ACTR3C: variants seen among roughly 807,000 people sequenced by gnomAD.
ACTR3C encodes actin-related protein 3C.
Under a neutral mutation model 26.3 loss-of-function variants are expected in ACTR3C, and 18 were observed. The ratio of observed to expected loss-of-function variants is 0.68; its 90% CI spans 0.47 to 1.01. The LOEUF (loss-of-function observed/expected upper bound fraction) is 1.01, where lower values mean the gene tolerates loss of function less well. Ranked by LOEUF, ACTR3C falls within the 50% of genes least tolerant of loss-of-function variation. ACTR3C has a pLI of 0.00. For synonymous variants in ACTR3C, 55 were observed against 94.5 expected, an observed-to-expected ratio of 0.58 and a Z score of 2.42; for missense variants, 184 against 250.7, an observed-to-expected ratio of 0.73 and a Z score of 1.80.
chr7:149,941,570 A>G, the ACTR3C span, among the ~76,000 whole-genome samples: 130 of 152,326 alleles, frequency 8.5e-4, 1 homozygote, highest in Non-Finnish European at 1.6e-3. Context: ...ACTCAGCCAC[A>G]TAACCGAGTT....
At chr7:150,138,987 G>C in the ACTR3C span, among the ~76,000 whole-genome samples, 1 of 152,282 alleles carries the variant, frequency 6.6e-6, no homozygotes, top group Non-Finnish European at 1.5e-5. Flanking sequence ...CTGTCTAGTT[G>C]CAGGAAAACA....
At chr7:149,951,245 G>T in the ACTR3C span, among the ~76,000 whole-genome samples, 2 of 120,346 alleles carry the variant, frequency 1.7e-5, no homozygotes, top group African/African-American at 8.2e-5. Context: ...CTCCACCTCC[G>T]TAGCTGGCAC....
intron 6 of ACTR3C, among the ~76,000 whole-genome samples, chr7:150,256,432 C>T (rs1285327031): frequency 2.0e-5 from 3 of 152,228 alleles, no homozygotes; most frequent in Non-Finnish European, 4.4e-5. Flanking sequence ...TCGCCAATAT[C>T]TGTTGTTTTT....
chr7:150,019,142 T>G, the ACTR3C span, among the ~76,000 whole-genome samples: 1 of 150,142 alleles, frequency 6.7e-6, no homozygotes, highest in Non-Finnish European at 1.5e-5. Context: ...ATGAAAGAGA[T>G]GATATATAAA....
At chr7:150,219,168 T>C in the ACTR3C span, among the ~76,000 whole-genome samples, 1 of 146,422 alleles carries the variant, frequency 6.8e-6, no homozygotes, top group Admixed American at 6.6e-5. Context: ...TCCGAACAAG[T>C]AGATAGTGTT....
chr7:150,161,206 A>G, the ACTR3C span, among the ~76,000 whole-genome samples: 1 of 120,384 alleles, frequency 8.3e-6, no homozygotes, highest in African/African-American at 4.0e-5. Context: ...AAGTATTTAT[A>G]TATATATATA....
At chr7:150,117,395 G>A in the ACTR3C span, among the ~76,000 whole-genome samples, 1 of 152,312 alleles carries the variant, frequency 6.6e-6, no homozygotes, top group East Asian at 1.9e-4. Context: ...AGCTTGGTGG[G>A]GGGAGGGGTG....
the ACTR3C span, among the ~76,000 whole-genome samples, chr7:150,150,155 C>G: frequency 6.6e-6 from 1 of 152,088 alleles, no homozygotes; most frequent in Non-Finnish European, 1.5e-5. Flanking sequence ...TGGCGTCATC[C>G]AAATGAAACC....
the ACTR3C span, among the ~76,000 whole-genome samples, chr7:150,040,886 C>A: frequency 6.7e-6 from 1 of 149,142 alleles, no homozygotes; most frequent in Non-Finnish European, 1.5e-5. Flanking sequence ...AATGGGAGGC[C>A]TTTATGTTCA....
the ACTR3C span, among the ~76,000 whole-genome samples, chr7:150,161,883 T>C: frequency 6.6e-6 from 1 of 151,952 alleles, no homozygotes; most frequent in African/African-American, 2.4e-5. Flanking sequence ...TATTATTTCC[T>C]GAGGCTTACT....
chr7:150,115,417 C>T, the ACTR3C span, among the ~76,000 whole-genome samples: 1 of 152,200 alleles, frequency 6.6e-6, no homozygotes, highest in African/African-American at 2.4e-5. Flanking sequence ...CAGAACAGGT[C>T]CCACTGTGAG....
the ACTR3C span, among the ~76,000 whole-genome samples, chr7:150,037,615 G>T: frequency 2.4e-5 from 2 of 84,862 alleles, no homozygotes; most frequent in African/African-American, 5.3e-5. Flanking sequence ...CCCACGTAAG[G>T]TACCTGCCGT....
At chr7:150,236,537 T>A in the ACTR3C span, among the ~76,000 whole-genome samples, 2 of 152,248 alleles carry the variant, frequency 1.3e-5, no homozygotes, top group African/African-American at 4.8e-5. Flanking sequence ...GCACATCATG[T>A]AAAGTAAGTA....
chr7:149,914,343 G>T, the ACTR3C span, among the ~76,000 whole-genome samples: 24 of 152,072 alleles, frequency 1.6e-4, 1 homozygote, highest in Admixed American at 2.6e-4. Context: ...TGTAATCCTA[G>T]CACTTTGGGA....
the ACTR3C span, among the ~76,000 whole-genome samples, chr7:149,917,064 T>A: frequency 4.5e-5 from 6 of 131,938 alleles, no homozygotes; most frequent in South Asian, 1.6e-3. Flanking sequence ...TATATTATTA[T>A]TTGCCCCAAA....
the ACTR3C span, among the ~76,000 whole-genome samples, chr7:150,077,445 G>GT: frequency 6.6e-6 from 1 of 152,104 alleles, no homozygotes; most frequent in African/African-American, 2.4e-5. Flanking sequence ...TATGACAAGG[G>GT]TAAGTCTGCA....
At chr7:150,001,446 T>A in the ACTR3C span, 2 of 152,306 alleles carry the variant, frequency 1.3e-5, no homozygotes, top group African/African-American at 4.8e-5. Context: ...GTTACAGTAG[T>A]GGGTGATACA....
the ACTR3C span, among the ~76,000 whole-genome samples, chr7:149,900,492 G>GA: frequency 2.0e-5 from 3 of 150,648 alleles, no homozygotes; most frequent in Non-Finnish European, 4.4e-5. Context: ...CTTTAATTAA[G>GA]AATAAATAAA....
At chr7:150,184,611 CT>C in the ACTR3C span, among the ~76,000 whole-genome samples, 2 of 150,476 alleles carry the variant, frequency 1.3e-5, no homozygotes, top group Non-Finnish European at 2.9e-5. Flanking sequence ...GATATTAACA[CT>C]TTTTTTCTTA....
Sources: allele counts gnomAD v4.1 joint callset (sites outside exome capture counted in the v4.1 genomes callset), GRCh38; gene constraint gnomAD v4.1.1; transcripts MANE v1.5; gene names NCBI Gene and HGNC (gene_info 2026-07-23, HGNC 2026-07-21).